VRK3: variants seen among roughly 807,000 people sequenced by gnomAD.
VRK3 encodes the protein VRK serine/threonine kinase 3, also known as serine/threonine-protein kinase VRK3.
A neutral mutation model predicts 60.4 loss-of-function variants in VRK3; 50 were observed. That is an observed-to-expected ratio of 0.83 (90% CI 0.66 to 1.05). The LOEUF is 1.05. Ranked by LOEUF, VRK3 falls within the 50% of genes least tolerant of loss-of-function variation. The pLI is 0.00. For missense variants in VRK3, 549 were observed against 585.3 expected, an observed-to-expected ratio of 0.94 and a Z score of 0.64; for synonymous variants, 246 against 227.8, an observed-to-expected ratio of 1.08 and a Z score of -0.72.
rs2076871314 is a variant in VRK3, at chr19:50,005,056, A to G, written c.547+2513T>C. On this transcript the variant is annotated intron_variant, in intron 5 of 14. Coordinates refer to ENST00000316763, the MANE Select transcript of VRK3 (RefSeq NM_016440.4). ...GCCTATCTGTCCCTCTGTTATTAACACTGCCTACCTCTGCCTGGGAAGGAC... is the reference window on the plus strand; with the variant it reads ...GCCTATCTGTCCCTCTGTTATTAACGCTGCCTACCTCTGCCTGGGAAGGAC... 1.3e-5 allele frequency among the ~76,000 whole-genome samples: 2 copies of G among 148,460 alleles called. 1 individual carries two copies. Among genetic ancestry groups the G allele is most frequent in the African/African-American group, 5.3e-5 (2 of 38,020 alleles).
At chr19:49,988,039 G>C (rs1020460626) in intron 12 of VRK3, 7 of 198,846 alleles carry the variant, frequency 3.5e-5, no homozygotes, top group Non-Finnish European at 7.4e-5. Flanking sequence ...CCTGTGCTAA[G>C]TGCTGTGTGC....
intron 12 of VRK3, chr19:49,982,303 C>T: frequency 1.5e-6 from 1 of 685,736 alleles, no homozygotes; most frequent in South Asian, 1.5e-5. Context: ...GGACATCAGA[C>T]AGCCCTTCAG....
At chr19:50,001,089 C>A (rs2076797727) in intron 5 of VRK3, 1 of 467,276 alleles carries the variant, frequency 2.1e-6, no homozygotes, top group African/African-American at 2.0e-5. Flanking sequence ...CCTGAGACGG[C>A]TCTCCTGGCA....
rs1473841211 is a variant in VRK3 at position 50,020,601 on chromosome 19, T to A, written c.-18A>T. 2 of 152,194 alleles carry A rather than the reference T, an allele frequency of 1.3e-5. No homozygotes were observed. The highest frequency in any genetic ancestry group is 4.8e-5 in the African/African-American group (2 of 41,426). The allele number at this position is 152,194 out of a possible 1,614,324, so 9.4% of individuals were successfully genotyped here. ...GGATAATACCTTTATGAGGTCACGGTCTGGCCCTTGGATTTACTGGGTTGG... is the reference window on the plus strand; with the variant it reads ...GGATAATACCTTTATGAGGTCACGGACTGGCCCTTGGATTTACTGGGTTGG... On this transcript the variant is annotated 5_prime_UTR_variant, in exon 2 of 15. Transcript: ENST00000316763.
intron 14 of VRK3, among the ~76,000 whole-genome samples, chr19:49,978,019 G>A (rs867844475): frequency 1.9e-4 from 29 of 152,322 alleles, no homozygotes; most frequent in Middle Eastern, 3.4e-3. Flanking sequence ...GAAGAACGTC[G>A]CTGCGCCGGG....
chr19:49,995,066 A>C, intron 8 of VRK3, 125 bp downstream of exon 8: 1 of 1,297,826 alleles, frequency 7.7e-7, no homozygotes, highest in Non-Finnish European at 1.1e-6. Flanking sequence ...AAACTAGGTC[A>C]AAACTACGAG....
chr19:49,985,518 A>C (rs547466532), intron 12 of VRK3, among the ~76,000 whole-genome samples: 1 of 152,238 alleles, frequency 6.6e-6, no homozygotes, highest in South Asian at 2.1e-4. Context: ...ACCTGTTACC[A>C]TCGCTGCGAG....
At chr19:50,016,194 A>T in intron 2 of VRK3, 31 bp from the exon 3 acceptor site, 1 of 1,612,008 alleles carries the variant, frequency 6.2e-7, no homozygotes, top group Non-Finnish European at 8.5e-7. Context: ...ACACAAAGTG[A>T]AACGGGCCAG....
intron 1 of VRK3, among the ~76,000 whole-genome samples, chr19:50,024,549 C>T (rs564502383): frequency 6.6e-6 from 1 of 152,280 alleles, no homozygotes; most frequent in South Asian, 2.1e-4. Flanking sequence ...CCCCAACCAC[C>T]CTGAGAATGT....
At chr19:49,986,260 CAT>C (rs1229560707) in intron 12 of VRK3, 1 of 152,570 alleles carries the variant, frequency 6.6e-6, no homozygotes, top group Non-Finnish European at 1.5e-5. Context: ...AAGTTAAAAA[CAT>C]AACATTGAGT....
At chr19:49,977,295 G>A (rs2076347084) in intron 14 of VRK3, among the ~76,000 whole-genome samples, 1 of 152,154 alleles carries the variant, frequency 6.6e-6, no homozygotes, top group Non-Finnish European at 1.5e-5. Flanking sequence ...TGGAGCACAG[G>A]CAAGATGACC....
chr19:50,004,802 C>T (rs566588737), intron 5 of VRK3, among the ~76,000 whole-genome samples: 1 of 151,724 alleles, frequency 6.6e-6, no homozygotes, highest in Non-Finnish European at 1.5e-5. Flanking sequence ...CCAAGCTACT[C>T]GGGAGGCTGA....
Position 50,016,164 on chromosome 19 carries a change from C to T in VRK3, c.-1-1G>A. 1 of 1,613,992 alleles carries T rather than the reference C, an allele frequency of 6.2e-7. No individual in the cohort carries two copies. The highest frequency in any genetic ancestry group is 1.1e-5 in the South Asian group (1 of 91,084). On this transcript the variant is annotated splice_acceptor_variant, in intron 2 of 14. Transcript: ENST00000316763. LOFTEE classifies it low-confidence loss of function (5UTR_SPLICE). ...ACAGTCTGGACAGAAGGAGATCATG[C>T]TACAAAACAGAATGAACAAACACAA...
At chr19:49,981,580 T>A in intron 12 of VRK3, 2 of 573,876 alleles carry the variant, frequency 3.5e-6, no homozygotes, top group Non-Finnish European at 4.4e-6. Context: ...CACCTTGTTT[T>A]ATGTATGTTT....
chr19:49,985,392 G>A lies in VRK3; in HGVS notation c.1217+2980C>T, dbSNP rs975473929. On this transcript the variant is annotated intron_variant, in intron 12 of 14. Transcript: ENST00000316763. The stretch of plus-strand genomic sequence containing the variant: ...TGCAGAGGTTGCCTGCGGAAGTCTG[G>A]GGGCTGAAGGCCTGTCTCTTCCTCT... Among the ~76,000 whole-genome samples the A allele has an allele frequency of 3.9e-5, 6 of 152,328 alleles. No individual in the cohort carries two copies. The East Asian group carries it at 9.7e-4, about 25-fold the overall frequency.
chr19:50,012,285 C>G lies in VRK3; in HGVS notation c.140-2900G>C, dbSNP rs1043724078. Among the ~76,000 whole-genome samples the G allele has an allele frequency of 1.7e-4, 26 of 152,092 alleles. 1 individual carries two copies. Among genetic ancestry groups the G allele is most frequent in the Non-Finnish European group, 1.5e-5 (1 of 68,004 alleles). On this transcript the variant is annotated intron_variant, in intron 3 of 14. Coordinates refer to ENST00000316763, the MANE Select transcript of VRK3 (RefSeq NM_016440.4). ...CTGTGCCTGGCCCATTCTTCTTCAT[C>G]CCTAGCTCAGCTCAAACTTTACCCA...
intron 7 of VRK3, chr19:49,997,048 A>C (rs1437352244): frequency 6.6e-6 from 1 of 152,574 alleles, no homozygotes; most frequent in Non-Finnish European, 1.5e-5. Context: ...GCAGTGGCAC[A>C]ATCACAGCTC....
rs753085875 is a variant in VRK3 at position 50,007,628 on chromosome 19, C to G, written c.488G>C (p.Gly163Ala). 6.2e-7 allele frequency: 1 copy of G among 1,614,074 alleles called. No homozygotes were observed. The highest frequency in any genetic ancestry group is 1.3e-5 in the African/African-American group (1 of 74,922). Residue 163 changes from glycine to alanine, a missense_variant, in exon 5 of 15, where the codon GGG becomes GCG. By Grantham distance (60) the Gly-to-Ala change is moderately conservative (BLOSUM62 0). Coordinates refer to ENST00000316763, the MANE Select transcript of VRK3 (RefSeq NM_016440.4). The stretch of plus-strand genomic sequence containing the variant: ...GAAGGACTTCAGCTTCCACTGTCGC[C>G]CACTCTTGTCTGTCAGCACTGTCCC... ...PTGTVLTDKS[G>A]RQWKLKSFQT...
rs376979614 is a variant in VRK3, at chr19:50,008,714, G to C, written c.289+522C>G. The C allele has an allele frequency of 7.2e-5, 11 of 153,488 alleles. No individual in the cohort carries two copies. The South Asian group carries it at 2.2e-3, about 31-fold the overall frequency. 9.5% of individuals were successfully genotyped at this position (153,488 alleles called of 1,614,324 possible). A position where few individuals can be genotyped will look rare whatever the true frequency, so the allele number is the denominator to read the frequency against. On this transcript the variant is annotated intron_variant, in intron 4 of 14. Coordinates refer to ENST00000316763, the MANE Select transcript of VRK3 (RefSeq NM_016440.4). Reference sequence around the variant, plus strand: ...ATGAAGGCTGCAGCAGGCACGGGGGGGCGCCAAAGAGGCTGGAAAGAGGCT... The same window carrying C: ...ATGAAGGCTGCAGCAGGCACGGGGGCGCGCCAAAGAGGCTGGAAAGAGGCT...
Sources: allele counts gnomAD v4.1 joint callset (sites outside exome capture counted in the v4.1 genomes callset), GRCh38; gene constraint gnomAD v4.1.1; transcripts MANE v1.5; gene names NCBI Gene and HGNC (gene_info 2026-07-23, HGNC 2026-07-21).